CSMD1: variants seen among roughly 807,000 people sequenced by gnomAD.
CSMD1 encodes CUB and Sushi multiple domains 1, also known as CUB and sushi domain-containing protein 1.
Under a neutral mutation model 417.5 loss-of-function variants are expected in CSMD1, and 213 were observed. The ratio of observed to expected loss-of-function variants is 0.51; its 90% CI spans 0.46 to 0.57. CSMD1 has a LOEUF of 0.57. CSMD1 is among the 20% of genes least tolerant of loss of function. CSMD1 has a pLI of 0.00. For missense variants in CSMD1, 6,923 were observed against 4,529.7 expected (o/e 1.53, Z -15.17); for synonymous variants, 2,862 against 1,736.8 (o/e 1.65, Z -16.11).
intron 7 of CSMD1, among the ~76,000 whole-genome samples, chr8:3,706,133 C>T (rs1035658283): frequency 1.3e-5 from 2 of 152,242 alleles, no homozygotes; most frequent in Non-Finnish European, 2.9e-5. Context: ...GTTCACTTCC[C>T]TCCATTTACT....
intron 9 of CSMD1, among the ~76,000 whole-genome samples, chr8:3,581,794 T>G (rs1217220337): frequency 6.6e-6 from 1 of 152,146 alleles, no homozygotes; most frequent in Non-Finnish European, 1.5e-5. Context: ...ACTATGATGC[T>G]GTCTTTTTTT....
At chr8:3,966,753 A>ACG (rs58896410) in intron 5 of CSMD1, among the ~76,000 whole-genome samples, 66 of 150,600 alleles carry the variant, frequency 4.4e-4, no homozygotes, top group Admixed American at 9.2e-4. Context: ...ACACACACAC[A>ACG]CGCGCGCGCG....
At chr8:4,952,131 T>C (rs1323514124) in intron 1 of CSMD1, among the ~76,000 whole-genome samples, 1 of 151,922 alleles carries the variant, frequency 6.6e-6, no homozygotes, top group Non-Finnish European at 1.5e-5. Context: ...TCACTAAATA[T>C]CTTGCACAAA....
chr8:3,495,424 A>G (rs1048848202), intron 10 of CSMD1, among the ~76,000 whole-genome samples: 1 of 152,146 alleles, frequency 6.6e-6, no homozygotes, highest in Non-Finnish European at 1.5e-5. Flanking sequence ...GGGTCACACT[A>G]TATGAATGGG....
chr8:3,441,081 C>G (rs1238736702), intron 12 of CSMD1, among the ~76,000 whole-genome samples: 1 of 152,046 alleles, frequency 6.6e-6, no homozygotes, highest in Non-Finnish European at 1.5e-5. Flanking sequence ...AAACAGACAC[C>G]AAGAGAAACA....
chr8:3,832,282 G>T (rs768617915), intron 5 of CSMD1, among the ~76,000 whole-genome samples: 1 of 152,070 alleles, frequency 6.6e-6, no homozygotes, highest in African/African-American at 2.4e-5. Flanking sequence ...CTGAGTACAC[G>T]GGATTATTTT....
chr8:3,231,382 G>T (rs1028520519), intron 26 of CSMD1, among the ~76,000 whole-genome samples: 1 of 152,084 alleles, frequency 6.6e-6, no homozygotes, highest in Non-Finnish European at 1.5e-5. Flanking sequence ...AAAAAAAAGA[G>T]ATTAGTGTAT....
At chr8:3,717,674 A>T (rs981199510) in intron 6 of CSMD1, among the ~76,000 whole-genome samples, 3 of 152,216 alleles carry the variant, frequency 2.0e-5, no homozygotes, top group Admixed American at 1.3e-4. Context: ...TGCATTGTAT[A>T]TATAAGTTGA....
chr8:4,052,525 T>C (rs1341460637), intron 3 of CSMD1, among the ~76,000 whole-genome samples: 2 of 152,098 alleles, frequency 1.3e-5, no homozygotes, highest in Admixed American at 6.5e-5. Flanking sequence ...AAATTTAGTT[T>C]GCTAGAACGT....
intron 2 of CSMD1, among the ~76,000 whole-genome samples, chr8:4,534,049 TG>T (rs1410359844): frequency 6.6e-6 from 1 of 151,882 alleles, no homozygotes; most frequent in African/African-American, 2.4e-5. Context: ...TTATAGATAT[TG>T]TAATTCAGGC....
chr8:4,528,564 T>C (rs1348838482), intron 2 of CSMD1, among the ~76,000 whole-genome samples: 1 of 152,136 alleles, frequency 6.6e-6, no homozygotes, highest in Non-Finnish European at 1.5e-5. Context: ...GTAGATCTTA[T>C]GTTAATTATT....
chr8:4,977,235 C>A (rs939352183), intron 1 of CSMD1, among the ~76,000 whole-genome samples: 12 of 152,078 alleles, frequency 7.9e-5, no homozygotes, highest in African/African-American at 2.4e-4. Context: ...TCAATAAAAG[C>A]CAAGTGAGAG....
intron 5 of CSMD1, among the ~76,000 whole-genome samples, chr8:3,837,651 C>G (rs901271871): frequency 6.6e-6 from 1 of 152,074 alleles, no homozygotes; most frequent in East Asian, 1.9e-4. Context: ...GTAAGAAAAT[C>G]CCATCCTACA....
intron 26 of CSMD1, among the ~76,000 whole-genome samples, chr8:3,271,545 A>G (rs1380004713): frequency 1.3e-5 from 2 of 150,572 alleles, no homozygotes; most frequent in East Asian, 3.9e-4. Flanking sequence ...AGTCCCAGCA[A>G]CAGTGTAAAA....
At chr8:3,875,185 G>A (rs535065436) in intron 5 of CSMD1, among the ~76,000 whole-genome samples, 1 of 152,258 alleles carries the variant, frequency 6.6e-6, no homozygotes, top group East Asian at 1.9e-4. Flanking sequence ...GCGCAGTGGG[G>A]AAGGAGTGGA....
At chr8:4,813,861 T>C (rs1216892274) in intron 1 of CSMD1, among the ~76,000 whole-genome samples, 1 of 152,220 alleles carries the variant, frequency 6.6e-6, no homozygotes, top group Non-Finnish European at 1.5e-5. Flanking sequence ...CATTCTCAGG[T>C]TTTGTGTGTT....
At chr8:3,388,322 T>C (rs1811138259) in intron 17 of CSMD1, among the ~76,000 whole-genome samples, 1 of 152,198 alleles carries the variant, frequency 6.6e-6, no homozygotes, top group Non-Finnish European at 1.5e-5. Context: ...GATCATATCA[T>C]TATGAGAGTT....
intron 1 of CSMD1, among the ~76,000 whole-genome samples, chr8:4,742,624 T>C (rs1810695380): frequency 6.6e-6 from 1 of 152,184 alleles, no homozygotes; most frequent in Non-Finnish European, 1.5e-5. Context: ...TTAATACTGC[T>C]TCTATTATGC....
chr8:4,533,872 T>G (rs1442783828), intron 2 of CSMD1, among the ~76,000 whole-genome samples: 1 of 149,878 alleles, frequency 6.7e-6, no homozygotes, highest in Admixed American at 6.7e-5. Context: ...TGTATGTATG[T>G]GTATAAATAA....
Sources: allele counts gnomAD v4.1 joint callset (sites outside exome capture counted in the v4.1 genomes callset), GRCh38; gene constraint gnomAD v4.1.1; transcripts MANE v1.5; gene names NCBI Gene and HGNC (gene_info 2026-07-23, HGNC 2026-07-21).